Variants in RALGAPA2 observed in about 807,000 individuals in gnomAD.
RALGAPA2 encodes Ral GTPase activating protein catalytic subunit alpha 2, also known as ral GTPase-activating protein subunit alpha-2.
In RALGAPA2, 139 loss-of-function variants were observed where a neutral mutation model predicts 230.4. The ratio of observed to expected loss-of-function variants is 0.60; its 90% CI spans 0.53 to 0.69. RALGAPA2 has a LOEUF of 0.69. Ranked by LOEUF, RALGAPA2 falls within the 30% of genes least tolerant of loss-of-function variation. The pLI is 0.00. For synonymous variants in RALGAPA2, 847 were observed against 837.8 expected, an observed-to-expected ratio of 1.01 and a Z score of -0.19; for missense variants, 2,163 against 2,276.0, an observed-to-expected ratio of 0.95 and a Z score of 1.01.
At chr20:20,564,577 G>A (rs2064356047) in intron 23 of RALGAPA2, among the ~76,000 whole-genome samples, 2 of 152,184 alleles carry the variant, frequency 1.3e-5, no homozygotes, top group African/African-American at 2.4e-5. Context: ...ATTTAGGAAG[G>A]AGTGATGTGA....
chr20:20,524,309 G>C, intron 30 of RALGAPA2, 97 bp downstream of exon 30: 1 of 1,472,704 alleles, frequency 6.8e-7, no homozygotes, highest in Non-Finnish European at 9.3e-7. Flanking sequence ...CTTTTCAAAA[G>C]GGCAATGACA....
intron 36 of RALGAPA2, among the ~76,000 whole-genome samples, chr20:20,480,648 C>T (rs1189516409): frequency 7.9e-5 from 12 of 152,150 alleles, no homozygotes. Flanking sequence ...CCAGGATAGA[C>T]AGGGTGAGTG....
intron 3 of RALGAPA2, among the ~76,000 whole-genome samples, chr20:20,674,635 A>ATATAT (rs2068253298): frequency 6.6e-6 from 1 of 152,236 alleles, no homozygotes; most frequent in African/African-American, 2.4e-5. Flanking sequence ...AACAAGTCAC[A>ATATAT]TATATTTACT....
chr20:20,472,971 T>C lies in RALGAPA2; in HGVS notation c.5368-15A>G, dbSNP rs369187906. 43 of 1,589,206 alleles carry C rather than the reference T, an allele frequency of 2.7e-5. No individual in the cohort carries two copies. Among genetic ancestry groups the C allele is most frequent in the Non-Finnish European group, 3.3e-5 (39 of 1,171,028 alleles). On this transcript the variant is annotated splice_polypyrimidine_tract_variant and intron_variant, in intron 36 of 39. Transcript: ENST00000202677. ...AAAAATGGAACCTGTTGATTTGAAA[T>C]GGAAAAACAAATTTTAAAAACTGAT...
chr20:20,576,149 CAAT>C (rs1256277780), intron 20 of RALGAPA2, among the ~76,000 whole-genome samples: 10 of 152,068 alleles, frequency 6.6e-5, no homozygotes, highest in South Asian at 2.1e-4. Flanking sequence ...AAAATTGTGA[CAAT>C]AATATAGTTT....
At chr20:20,566,322 C>T (rs1413989452) in intron 23 of RALGAPA2, among the ~76,000 whole-genome samples, 2 of 152,146 alleles carry the variant, frequency 1.3e-5, no homozygotes, top group East Asian at 3.8e-4. Flanking sequence ...GAGCCGATAG[C>T]CATGGACACA....
intron 37 of RALGAPA2, among the ~76,000 whole-genome samples, chr20:20,448,996 C>T (rs770794660): frequency 1.3e-5 from 2 of 152,104 alleles, no homozygotes; most frequent in African/African-American, 2.4e-5. Flanking sequence ...CTGGAATGCA[C>T]ATCTTATTTA....
At chr20:20,576,805 T>A (rs2064833522) in intron 20 of RALGAPA2, among the ~76,000 whole-genome samples, 1 of 152,142 alleles carries the variant, frequency 6.6e-6, no homozygotes, top group African/African-American at 2.4e-5. Flanking sequence ...TGTATTATTT[T>A]AAAAATTTAT....
At chr20:20,580,263 G>A (rs1365899819) in intron 20 of RALGAPA2, among the ~76,000 whole-genome samples, 1 of 152,102 alleles carries the variant, frequency 6.6e-6, no homozygotes, top group Non-Finnish European at 1.5e-5. Flanking sequence ...TCTGGCATTA[G>A]GGCCTCACTG....
intron 1 of RALGAPA2, among the ~76,000 whole-genome samples, chr20:20,695,340 T>C (rs867939642): frequency 3.9e-5 from 6 of 152,134 alleles, no homozygotes; most frequent in African/African-American, 2.4e-5. Flanking sequence ...TAAAAAATAA[T>C]AGAACTGGGC....
At chr20:20,709,517 A>G (rs185989847) in intron 1 of RALGAPA2, among the ~76,000 whole-genome samples, 1 of 152,280 alleles carries the variant, frequency 6.6e-6, no homozygotes, top group East Asian at 1.9e-4. Context: ...TCTTTGCTGG[A>G]GCAATATGGT....
At chr20:20,553,448 A>G (rs1244875581) in intron 23 of RALGAPA2, among the ~76,000 whole-genome samples, 1 of 152,100 alleles carries the variant, frequency 6.6e-6, no homozygotes, top group Non-Finnish European at 1.5e-5. Context: ...GCTACTTGGG[A>G]AGATGAGATG....
At chr20:20,412,669 C>CA (rs1369418205) in intron 37 of RALGAPA2, among the ~76,000 whole-genome samples, 2 of 152,052 alleles carry the variant, frequency 1.3e-5, no homozygotes, top group Non-Finnish European at 2.9e-5. Flanking sequence ...AGCCTCTAAC[C>CA]AAGACAAGCT....
At chr20:20,497,904 T>C (rs1219929910) in intron 35 of RALGAPA2, among the ~76,000 whole-genome samples, 1 of 152,224 alleles carries the variant, frequency 6.6e-6, no homozygotes, top group African/African-American at 2.4e-5. Flanking sequence ...ACAGTTTAAT[T>C]AGCTAAATCA....
chr20:20,655,641 C>T (rs751249886), intron 3 of RALGAPA2, among the ~76,000 whole-genome samples: 1 of 152,064 alleles, frequency 6.6e-6, no homozygotes, highest in African/African-American at 2.4e-5. Context: ...GGCTTAATGT[C>T]CTCATGGGAG....
chr20:20,556,054 C>G (rs867010486), intron 23 of RALGAPA2, among the ~76,000 whole-genome samples: 7 of 152,056 alleles, frequency 4.6e-5, no homozygotes, highest in Admixed American at 3.9e-4. Context: ...AAGCCAGAGC[C>G]AGAACTTGTT....
chr20:20,513,941 C>T (rs1043229253), intron 31 of RALGAPA2, among the ~76,000 whole-genome samples: 1 of 152,212 alleles, frequency 6.6e-6, no homozygotes, highest in East Asian at 1.9e-4. Flanking sequence ...GCAGCCAGGG[C>T]CAGCTTGGCA....
intron 37 of RALGAPA2, among the ~76,000 whole-genome samples, chr20:20,461,568 T>G (rs1038153225): frequency 1.3e-5 from 2 of 152,206 alleles, no homozygotes; most frequent in African/African-American, 4.8e-5. Context: ...GCTCTACGCC[T>G]TCTTTAAATT....
intron 23 of RALGAPA2, among the ~76,000 whole-genome samples, chr20:20,555,921 T>C (rs368087613): frequency 1.3e-5 from 2 of 152,304 alleles, no homozygotes; most frequent in East Asian, 1.9e-4. Flanking sequence ...CTAAGTTCAC[T>C]GTCTAGAATC....
Sources: gnomAD v4.1 joint callset for allele counts (sites outside exome capture counted in the v4.1 genomes callset) on GRCh38, gnomAD v4.1.1 for gene constraint, MANE v1.5 for transcripts, NCBI Gene and HGNC (gene_info 2026-07-23, HGNC 2026-07-21) for gene names.